SMS: variants seen among roughly 807,000 people sequenced by gnomAD.
SMS encodes spermidine aminopropyltransferase.
Under a neutral mutation model 33.0 loss-of-function variants are expected in SMS, and 3 were observed. The observed-to-expected ratio is 0.09, with a 90% CI of 0.04 to 0.23. The LOEUF (loss-of-function observed/expected upper bound fraction) is 0.23. SMS is among the 10% of genes least tolerant of loss of function. The probability of loss-of-function intolerance (pLI) is 1.00; values close to 1 mark genes in which losing one functional copy is unlikely to be tolerated. For missense variants in SMS, 117 were observed against 288.6 expected, an observed-to-expected ratio of 0.41 and a Z score of 4.31; for synonymous variants, 103 against 112.2, an observed-to-expected ratio of 0.92 and a Z score of 0.52.
intron 4 of SMS, among the ~76,000 whole-genome samples, chrX:21,973,446 A>G (rs1403922634): frequency 8.9e-6 from 1 of 112,789 alleles, no homozygotes; most frequent in African/African-American, 3.2e-5. Context: ...AAAACAAAAC[A>G]AAACAAATAC....
chrX:21,978,189 A>G lies in SMS; in HGVS notation c.660+75A>G, dbSNP rs1924661993. 4.0e-6 allele frequency: 4 copies of G among 1,011,496 alleles called. No individual in the cohort carries two copies. In the East Asian group the frequency reaches 1.2e-4, roughly 31 times the overall value. 83.4% of individuals were successfully genotyped at this position (1,011,496 alleles called of 1,213,427 possible). A position where few individuals can be genotyped will look rare whatever the true frequency, so the allele number is the denominator to read the frequency against. ...CTTCCTTCAGTGTCTCACAACTCAAATTAATGTTACCACAGACTAGAGGCA... is the reference window on the plus strand; with the variant it reads ...CTTCCTTCAGTGTCTCACAACTCAAGTTAATGTTACCACAGACTAGAGGCA... On this transcript the variant is annotated intron_variant, in intron 6 of 10. Transcript: ENST00000404933.
intron 9 of SMS, among the ~76,000 whole-genome samples, chrX:21,987,559 G>C (rs891836732): frequency 3.6e-5 from 4 of 112,610 alleles, no homozygotes; most frequent in African/African-American, 9.7e-5. Flanking sequence ...CTAGATTCGA[G>C]TAATCCTCCT....
At chrX:21,960,906 G>A (rs1309039300) in intron 1 of SMS, among the ~76,000 whole-genome samples, 1 of 110,881 alleles carries the variant, frequency 9.0e-6, no homozygotes, top group African/African-American at 3.3e-5. Context: ...TTTTGTTATT[G>A]TTTTTTGTCT....
At chrX:21,974,080 A>G (rs1924372435) in intron 4 of SMS, among the ~76,000 whole-genome samples, 1 of 112,604 alleles carries the variant, frequency 8.9e-6, no homozygotes, top group Non-Finnish European at 1.9e-5. Context: ...AGACCAACAC[A>G]GAGGGACTTC....
chrX:21,963,821 A>G (rs1240598722), intron 1 of SMS, among the ~76,000 whole-genome samples: 1 of 112,164 alleles, frequency 8.9e-6, no homozygotes, highest in African/African-American at 3.2e-5. Flanking sequence ...GTAATGTGCC[A>G]ACAGAACCAT....
intron 2 of SMS, among the ~76,000 whole-genome samples, chrX:21,970,826 A>C (rs1479612635): frequency 9.2e-6 from 1 of 109,112 alleles, no homozygotes; most frequent in Non-Finnish European, 1.9e-5. Flanking sequence ...GTATTTTTCA[A>C]ACATTTCTTT....
chrX:21,979,109 A>G (rs893340878), intron 7 of SMS, 143 bp downstream of exon 7: 25 of 481,807 alleles, frequency 5.2e-5, no homozygotes, highest in Non-Finnish European at 8.1e-5. Flanking sequence ...AGTTATATGT[A>G]TATTTGTATT....
At chrX:21,952,636 TAGGG>T (rs908768372) in intron 1 of SMS, among the ~76,000 whole-genome samples, 1 of 111,020 alleles carries the variant, frequency 9.0e-6, no homozygotes, top group Non-Finnish European at 1.9e-5. Context: ...CTTCATAAAA[TAGGG>T]AGGCCTTCCC....
At chrX:21,978,548 C>T (rs1477698440) in intron 6 of SMS, among the ~76,000 whole-genome samples, 2 of 111,679 alleles carry the variant, frequency 1.8e-5, no homozygotes, top group Non-Finnish European at 3.8e-5. Context: ...TTCACTCCAG[C>T]CTGGGTGACA....
intron 9 of SMS, among the ~76,000 whole-genome samples, chrX:21,987,781 G>A (rs1280487740): frequency 8.9e-6 from 1 of 112,452 alleles, no homozygotes; most frequent in Non-Finnish European, 1.9e-5. Context: ...ACAAAAGGCA[G>A]GACAAAAGAA....
chrX:21,967,097 T>TTTAC (rs1233443788), intron 1 of SMS, 99 bp from the exon 2 acceptor site: 3 of 349,930 alleles, frequency 8.6e-6, no homozygotes, highest in Non-Finnish European at 9.2e-6. Context: ...TATTTACTTA[T>TTTAC]TTATTTATTT....
intron 7 of SMS, among the ~76,000 whole-genome samples, chrX:21,979,954 A>T (rs868755610): frequency 3.2e-4 from 33 of 102,350 alleles, no homozygotes; most frequent in Middle Eastern, 5.0e-3. Context: ...AAATCTTAAT[A>T]AAAAAAAAAA....
intron 1 of SMS, among the ~76,000 whole-genome samples, chrX:21,955,128 G>A (rs187283359): frequency 3.6e-5 from 4 of 111,967 alleles, no homozygotes; most frequent in South Asian, 3.7e-4. Context: ...GAGCCACTGC[G>A]CCCGGCCTTG....
At chrX:21,988,858 G>A (rs1925568886) in intron 9 of SMS, among the ~76,000 whole-genome samples, 1 of 110,442 alleles carries the variant, frequency 9.1e-6, no homozygotes, top group South Asian at 3.8e-4. Flanking sequence ...GTGGAGGGAC[G>A]TGGGAATCAA....
At chrX:21,970,924 T>C (rs1924106845) in intron 2 of SMS, among the ~76,000 whole-genome samples, 1 of 110,139 alleles carries the variant, frequency 9.1e-6, no homozygotes, top group South Asian at 3.8e-4. Flanking sequence ...AGGCCGGGCA[T>C]GGTGGCTCAC....
intron 1 of SMS, among the ~76,000 whole-genome samples, chrX:21,964,560 G>T (rs184381285): frequency 9.0e-6 from 1 of 111,049 alleles, no homozygotes; most frequent in African/African-American, 3.3e-5. Flanking sequence ...CTGAAGTCCC[G>T]TTGCTTTTTC....
chrX:21,942,402 C>G lies in SMS; in HGVS notation c.49+1529C>G, dbSNP rs1921876975. ...TTATGTTAACCTTTCTGAGCCTTCC[C>G]TGTCCATTAAAAAGAAAAAAAAAAG... On this transcript the variant is annotated intron_variant, in intron 1 of 10. Transcript: ENST00000404933. Among the ~76,000 whole-genome samples the G allele has an allele frequency of 2.7e-5, 3 of 110,016 alleles. No homozygotes were observed. The South Asian group carries it at 1.2e-3, about 42-fold the overall frequency.
chrX:21,988,256 T>G (rs1925490189), intron 9 of SMS, among the ~76,000 whole-genome samples: 1 of 110,773 alleles, frequency 9.0e-6, no homozygotes, highest in East Asian at 2.8e-4. Flanking sequence ...TGACTCAGGA[T>G]GTGTTGATGT....
At chrX:21,972,652 T>C in intron 4 of SMS, 81 bp downstream of exon 4, 2 of 674,768 alleles carry the variant, frequency 3.0e-6, no homozygotes, top group Non-Finnish European at 4.8e-6. Context: ...CTCACACCTG[T>C]AATCCCAGCA....
Sources: allele counts gnomAD v4.1 joint callset (sites outside exome capture counted in the v4.1 genomes callset), GRCh38; gene constraint gnomAD v4.1.1; transcripts MANE v1.5; gene names NCBI Gene and HGNC (gene_info 2026-07-23, HGNC 2026-07-21).